Variants in KLRG1 observed in about 807,000 individuals in gnomAD.
The protein encoded by KLRG1 is killer cell lectin-like receptor subfamily G member 1.
KLRG1 carries 16 observed loss-of-function variants against 21.8 expected under a neutral mutation model. The observed-to-expected ratio is 0.73, with a 90% CI of 0.50 to 1.11. The LOEUF (loss-of-function observed/expected upper bound fraction) is 1.11. KLRG1 is among the 50% of genes most tolerant of loss of function. The probability of loss-of-function intolerance (pLI) is 0.00; values close to 1 mark genes in which losing one functional copy is unlikely to be tolerated. For synonymous variants in KLRG1, 69 were observed against 75.9 expected (o/e 0.91, Z 0.47); for missense variants, 173 against 218.3 (o/e 0.79, Z 1.31).
downstream of KLRG1, among the ~76,000 whole-genome samples, chr12:9,011,697 A>G (rs777617092): frequency 1.4e-4 from 22 of 152,192 alleles, no homozygotes; most frequent in Non-Finnish European, 3.2e-4. Context: ...TTTTAACATC[A>G]TATCAACAAA....
At chr12:9,071,130 A>G in the KLRG1 span, among the ~76,000 whole-genome samples, 2 of 152,194 alleles carry the variant, frequency 1.3e-5, no homozygotes. Context: ...GAGGATCTGC[A>G]TTTTAAGAAA....
chr12:9,125,924 G>A, the KLRG1 span, among the ~76,000 whole-genome samples: 1 of 151,968 alleles, frequency 6.6e-6, no homozygotes, highest in South Asian at 2.1e-4. Context: ...TAGTAGAGAC[G>A]GGGTTTCACC....
chr12:9,076,951 C>G, the KLRG1 span: 2 of 1,560,956 alleles, frequency 1.3e-6, no homozygotes, highest in Non-Finnish European at 1.7e-6. Context: ...GAAGGCAGAA[C>G]AAGAAGGGAA....
At chr12:9,193,337 A>G in the KLRG1 span, among the ~76,000 whole-genome samples, 1 of 152,128 alleles carries the variant, frequency 6.6e-6, no homozygotes, top group East Asian at 1.9e-4. Context: ...TTTATTAGGC[A>G]TATTTTGTGG....
At chr12:9,124,490 C>T in the KLRG1 span, among the ~76,000 whole-genome samples, 1 of 152,208 alleles carries the variant, frequency 6.6e-6, no homozygotes, top group African/African-American at 2.4e-5. Context: ...TGCAGCACCC[C>T]GACCAGTGGC....
At chr12:9,125,086 T>TGC in the KLRG1 span, among the ~76,000 whole-genome samples, 9 of 152,194 alleles carry the variant, frequency 5.9e-5, no homozygotes, top group East Asian at 1.5e-3. Context: ...ACAGAGGAAC[T>TGC]ACCCTCTCTG....
At chr12:9,154,215 G>A in the KLRG1 span, among the ~76,000 whole-genome samples, 32 of 152,168 alleles carry the variant, frequency 2.1e-4, no homozygotes, top group African/African-American at 5.8e-4. Context: ...TGGAAGTGAC[G>A]TGCTACTGGC....
At chr12:9,149,049 G>A in the KLRG1 span, 1 of 1,502,066 alleles carries the variant, frequency 6.7e-7, no homozygotes, top group Non-Finnish European at 9.3e-7. Context: ...GGAGCATTCA[G>A]TTGAGTGTGG....
At chr12:8,958,231 T>C (rs2137207208) in intron 1 of KLRG1, among the ~76,000 whole-genome samples, 1 of 152,256 alleles carries the variant, frequency 6.6e-6, no homozygotes, top group Non-Finnish European at 1.5e-5. Flanking sequence ...TTGTGTATAG[T>C]TGAGGTAGCA....
chr12:9,169,786 G>C, the KLRG1 span: 1 of 456,678 alleles, frequency 2.2e-6, no homozygotes, highest in Non-Finnish European at 3.7e-6. Context: ...ACCTACTTGG[G>C]AAAATGCTTC....
chr12:9,068,591 G>T, the KLRG1 span: 3 of 689,396 alleles, frequency 4.4e-6, no homozygotes, highest in South Asian at 1.9e-5. Flanking sequence ...ATGTATAAGA[G>T]ACAAAAAGAG....
intron 3 of KLRG1, among the ~76,000 whole-genome samples, chr12:8,998,524 C>CA (rs1016878560): frequency 1.3e-5 from 2 of 151,420 alleles, no homozygotes; most frequent in African/African-American, 4.9e-5. Context: ...CCTGCCTCTA[C>CA]AAAAAAATAC....
the KLRG1 span, among the ~76,000 whole-genome samples, chr12:9,110,819 T>G: frequency 2.0e-5 from 3 of 152,134 alleles, no homozygotes; most frequent in African/African-American, 7.2e-5. Flanking sequence ...TTTTCATTAA[T>G]CTATTTTAAG....
chr12:9,090,284 A>G, the KLRG1 span: 1 of 1,600,572 alleles, frequency 6.2e-7, no homozygotes. Context: ...AGGAAGTAGC[A>G]CTCAATATAA....
the KLRG1 span, chr12:9,149,698 C>T: frequency 6.3e-4 from 731 of 1,166,396 alleles, no homozygotes; most frequent in Admixed American, 9.7e-4. Flanking sequence ...GAGAAAAGCA[C>T]GCCCTATCAG....
the KLRG1 span, chr12:9,162,796 G>A: frequency 1.5e-6 from 1 of 668,166 alleles, no homozygotes. Context: ...TTAAGTTCAA[G>A]GGGACATGTG....
chr12:8,957,993 T>G (rs1185384406), intron 1 of KLRG1, among the ~76,000 whole-genome samples: 2 of 152,180 alleles, frequency 1.3e-5, no homozygotes, highest in Admixed American at 1.3e-4. Context: ...CATTCCCTTT[T>G]GATGGGCGTT....
the KLRG1 span, chr12:9,202,800 T>C: frequency 1.0e-6 from 1 of 978,392 alleles, no homozygotes; most frequent in Non-Finnish European, 1.5e-6. Flanking sequence ...AAGGAAGGTG[T>C]GACTATTTCT....
At chr12:8,988,623 CTAGA>C (rs1351613024), upstream of KLRG1, among the ~76,000 whole-genome samples, 1 of 152,058 alleles carries the variant, frequency 6.6e-6, no homozygotes, top group African/African-American at 2.4e-5. Context: ...GTTGCCCAGG[CTAGA>C]TAGAGTACAA....
Sources: gnomAD v4.1 joint callset for allele counts (sites outside exome capture counted in the v4.1 genomes callset) on GRCh38, gnomAD v4.1.1 for gene constraint, MANE v1.5 for transcripts, NCBI Gene and HGNC (gene_info 2026-07-23, HGNC 2026-07-21) for gene names.